FKBP15: variants seen among roughly 807,000 people sequenced by gnomAD.
FKBP15 encodes FK506-binding protein 15.
Under a neutral mutation model 158.1 loss-of-function variants are expected in FKBP15, and 106 were observed. That is an observed-to-expected ratio of 0.67 (90% CI 0.57 to 0.79). FKBP15 has a LOEUF of 0.79. Ranked by LOEUF, FKBP15 falls within the 30% of genes least tolerant of loss-of-function variation. FKBP15 has a pLI of 0.00. For synonymous variants in FKBP15, 547 were observed against 548.6 expected (o/e 1.00, Z 0.04); for missense variants, 1,287 against 1,479.1 (o/e 0.87, Z 2.13).
chr9:113,174,357 A>G, intron 22 of FKBP15, 71 bp downstream of exon 22: 2 of 1,524,704 alleles, frequency 1.3e-6, no homozygotes, highest in Non-Finnish European at 1.8e-6. Flanking sequence ...GTAAGGAAGA[A>G]ACCAGAAGCT....
At chr9:113,200,037 C>G (rs1830759548) in intron 6 of FKBP15, 74 bp from the exon 7 acceptor site, 6 of 1,442,084 alleles carry the variant, frequency 4.2e-6, no homozygotes, top group Non-Finnish European at 5.6e-6. Context: ...TGCTACTGCT[C>G]TTTCTCAAAT....
chr9:113,174,406 A>G (rs753447460), intron 22 of FKBP15, 22 bp downstream of exon 22: 18 of 1,610,230 alleles, frequency 1.1e-5, no homozygotes, highest in Non-Finnish European at 1.5e-5. Flanking sequence ...TCTATTTTCA[A>G]AGTGCTTCAG....
chr9:113,182,250 G>A (rs569612104), intron 19 of FKBP15, among the ~76,000 whole-genome samples: 5 of 152,292 alleles, frequency 3.3e-5, no homozygotes, highest in African/African-American at 1.2e-4. Flanking sequence ...TCAGGATAAA[G>A]AACGTCACTG....
chr9:113,199,004 C>T (rs531473165), intron 7 of FKBP15, 81 bp from the exon 8 acceptor site: 11 of 881,504 alleles, frequency 1.2e-5, no homozygotes, highest in Admixed American at 2.1e-5. Context: ...AACTACATAC[C>T]AGCACACTAC....
At position 113,163,564 on chromosome 9, in the gene FKBP15, T is replaced by G. The variant is rs1830050761; in HGVS notation, c.*2514A>C. 6.6e-6 allele frequency: 1 copy of G among 152,646 alleles called. No homozygotes were observed. The highest frequency in any genetic ancestry group is 2.4e-5 in the African/African-American group (1 of 41,462). 9.5% of individuals were successfully genotyped at this position (152,646 alleles called of 1,614,324 possible). A position where few individuals can be genotyped will look rare whatever the true frequency, so the allele number is the denominator to read the frequency against. On this transcript the variant is annotated 3_prime_UTR_variant, in exon 28 of 28. Transcript: ENST00000238256. Reference sequence around the variant, plus strand: ...AATGATTTCATTGATTCATGATGGATGGCAGAAACTGCTGAGACCTATTTC... The same window carrying G: ...AATGATTTCATTGATTCATGATGGAGGGCAGAAACTGCTGAGACCTATTTC...
intron 1 of FKBP15, among the ~76,000 whole-genome samples, chr9:113,214,118 T>C (rs10817460): frequency 0.34 from 50,970 of 151,892 alleles, 8,706 homozygotes; most frequent in African/African-American, 0.39. Context: ...CCTCAGCCTC[T>C]CAAGAAGCTG....
Position 113,162,988 on chromosome 9 carries a change from A to T in FKBP15, c.*3090T>A. On this transcript the variant is annotated 3_prime_UTR_variant, in exon 28 of 28. Coordinates refer to ENST00000238256, the MANE Select transcript of FKBP15 (RefSeq NM_015258.2). ...CCCTCTTCCAGACACTATACTTCCA[A>T]CTGCCCTTTCTTCTGATGGCTATTC... is the stretch of plus-strand genomic sequence containing the variant. 7.4e-7 allele frequency: 1 copy of T among 1,356,162 alleles called. No individual in the cohort carries two copies. Among genetic ancestry groups the T allele is most frequent in the Non-Finnish European group, 9.8e-7 (1 of 1,017,664 alleles). The allele number at this position is 1,356,162 out of a possible 1,614,324, so 84.0% of individuals were successfully genotyped here.
At chr9:113,199,125 A>G (rs922754507) in intron 7 of FKBP15, among the ~76,000 whole-genome samples, 5 of 152,160 alleles carry the variant, frequency 3.3e-5, no homozygotes, top group African/African-American at 1.2e-4. Context: ...TGAAACAGTA[A>G]TTTTCCAGGT....
chr9:113,166,155 T>G lies in FKBP15; in HGVS notation c.3583A>C (p.Ser1195Arg). 1 of 1,612,010 alleles carries G rather than the reference T, an allele frequency of 6.2e-7. No homozygotes were observed. Among genetic ancestry groups the G allele is most frequent in the Non-Finnish European group, 8.5e-7 (1 of 1,179,072 alleles). Residue 1195 changes from serine (S) to arginine (R), a missense_variant and splice_region_variant, in exon 28 of 28, where the codon AGC becomes CGC. Physicochemically the swap from Ser to Arg is moderately radical, Grantham distance 110. Coordinates refer to ENST00000238256, the MANE Select transcript of FKBP15 (RefSeq NM_015258.2). ...GTTGGGGGCGGGCGTCCCTTCATGC[T>G]CTGATAAAACAGGAAAGAGCAGTCA... ...QPEEEDEDEV[S>R]MKGRPPPTPL...
intron 1 of FKBP15, among the ~76,000 whole-genome samples, chr9:113,212,162 T>C (rs1831019258): frequency 6.6e-6 from 1 of 152,188 alleles, no homozygotes; most frequent in Non-Finnish European, 1.5e-5. Flanking sequence ...GAAACTGATC[T>C]TGCTAAAATC....
In FKBP15 at chr9:113,198,366, T is replaced by C. The variant is rs1369264268; in HGVS notation, c.717+489A>G. Among the ~76,000 whole-genome samples the C allele has an allele frequency of 6.6e-6, 1 of 152,234 alleles. No homozygotes were observed. Among genetic ancestry groups the C allele is most frequent in the Non-Finnish European group, 1.5e-5 (1 of 68,042 alleles). On this transcript the variant is annotated intron_variant, in intron 8 of 27. Coordinates refer to ENST00000238256, the MANE Select transcript of FKBP15 (RefSeq NM_015258.2). The surrounding 1 kb of genome is among the most constrained non-coding windows in gnomAD (Gnocchi z 5.2). ...TTGTAACCATCTTCAATGTAGTGTC[T>C]CATAGATAAAAATCTCCCAAATGCA...
In FKBP15 at chr9:113,181,976, G is replaced by C. The variant is rs957710049; in HGVS notation, c.1914+790C>G. 1.3e-4 allele frequency among the ~76,000 whole-genome samples: 20 copies of C among 152,170 alleles called. 1 individual carries two copies. Among genetic ancestry groups the C allele is most frequent in the Admixed American group, 9.2e-4 (14 of 15,282 alleles). On this transcript the variant is annotated intron_variant, in intron 19 of 27. Coordinates refer to ENST00000238256, the MANE Select transcript of FKBP15 (RefSeq NM_015258.2). ...GTCAGGATTGGACAGGGCTGTGCAGGATGAGGCACTGCTTGCCTGGATTCT... is the reference window on the plus strand; with the variant it reads ...GTCAGGATTGGACAGGGCTGTGCAGCATGAGGCACTGCTTGCCTGGATTCT...
chr9:113,175,789 A>G (rs1587953104), intron 21 of FKBP15, among the ~76,000 whole-genome samples: 1 of 152,198 alleles, frequency 6.6e-6, no homozygotes, highest in Admixed American at 6.5e-5. Flanking sequence ...AAGCTTTACT[A>G]CTAATAAAAA....
intron 1 of FKBP15, among the ~76,000 whole-genome samples, chr9:113,215,500 C>T (rs1298820749): frequency 1.3e-5 from 2 of 151,480 alleles, no homozygotes; most frequent in Non-Finnish European, 2.9e-5. Flanking sequence ...CACCAAAGAT[C>T]ACACCATAAC....
chr9:113,209,464 G>C (rs10081639), intron 2 of FKBP15, among the ~76,000 whole-genome samples: 50,694 of 152,100 alleles, frequency 0.33, 8,708 homozygotes, highest in African/African-American at 0.38. Flanking sequence ...CAGGTTATGA[G>C]TTGGAGAATA....
chr9:113,178,521 C>T, intron 20 of FKBP15, 109 bp downstream of exon 20: 1 of 1,152,050 alleles, frequency 8.7e-7, no homozygotes, highest in Non-Finnish European at 1.2e-6. Context: ...TTGGTGTAGT[C>T]CTTCAAAAAC....
At chr9:113,183,377 C>T (rs1449548145) in intron 18 of FKBP15, among the ~76,000 whole-genome samples, 3 of 151,870 alleles carry the variant, frequency 2.0e-5, no homozygotes, top group Non-Finnish European at 4.4e-5. Context: ...GAAGTTTTGG[C>T]TGAGTTCTGA....
Position 113,187,788 on chromosome 9 carries a change from G to A in FKBP15, c.1383+5C>T. 2 of 1,604,280 alleles carry A rather than the reference G, an allele frequency of 1.2e-6. No homozygotes were observed. The highest frequency in any genetic ancestry group is 1.7e-6 in the Non-Finnish European group (2 of 1,171,144). ...GATATAATTAATACGGTTATAAAATGTTACCTGAAAGGATTGGGCATTTCC... is the reference window on the plus strand; with the variant it reads ...GATATAATTAATACGGTTATAAAATATTACCTGAAAGGATTGGGCATTTCC... On this transcript the variant is annotated splice_donor_5th_base_variant and intron_variant, in intron 14 of 27. Transcript: ENST00000238256.
At position 113,189,301 on chromosome 9, in the gene FKBP15, A is replaced by G. The variant is rs894878366; in HGVS notation, c.1174-810T>C. Among the ~76,000 whole-genome samples the G allele has an allele frequency of 3.9e-5, 6 of 152,314 alleles. 1 individual carries two copies. The highest frequency in any genetic ancestry group is 2.6e-4 in the Admixed American group (4 of 15,300). ...TAACAGAGTGAAAGGAATTATAATA[A>G]AATGATATAATGGAACACTGGGTTT... On this transcript the variant is annotated intron_variant, in intron 12 of 27. Transcript: ENST00000238256.
Sources: allele counts gnomAD v4.1 joint callset (sites outside exome capture counted in the v4.1 genomes callset), GRCh38; gene constraint gnomAD v4.1.1; non-coding constraint Gnocchi (gnomAD v3.1); transcripts MANE v1.5; gene names NCBI Gene and HGNC (gene_info 2026-07-23, HGNC 2026-07-21).